The following PDE8A variants were observed in gnomAD, a reference collection of about 807,000 sequenced individuals.
PDE8A encodes phosphodiesterase 8A, also known as high affinity cAMP-specific and IBMX-insensitive 3',5'-cyclic phosphodiesterase 8A.
PDE8A carries 59 observed loss-of-function variants against 105.0 expected under a neutral mutation model. That is an observed-to-expected ratio of 0.56 (90% CI 0.46 to 0.70). The LOEUF is 0.70. PDE8A is among the 30% of genes least tolerant of loss of function. The pLI is 0.00. For missense variants in PDE8A, 1,014 were observed against 1,045.9 expected (o/e 0.97, Z 0.42); for synonymous variants, 355 against 371.9 (o/e 0.95, Z 0.52).
chr15:85,039,550 TA>T (rs929765854), intron 1 of PDE8A, among the ~76,000 whole-genome samples: 6 of 147,614 alleles, frequency 4.1e-5, no homozygotes, highest in Non-Finnish European at 9.0e-5. Context: ...TGGAGGTTCC[TA>T]AAAAAAAAAC....
At chr15:85,021,397 G>T (rs1210322032) in intron 1 of PDE8A, among the ~76,000 whole-genome samples, 2 of 152,012 alleles carry the variant, frequency 1.3e-5, no homozygotes, top group South Asian at 2.1e-4. Context: ...TAAAAATTTA[G>T]CTGGGCATGG....
intron 1 of PDE8A, among the ~76,000 whole-genome samples, chr15:85,060,584 A>G (rs1458022842): frequency 6.6e-6 from 1 of 152,212 alleles, no homozygotes; most frequent in Non-Finnish European, 1.5e-5. Context: ...GCATCCATAG[A>G]TTTTCATATA....
At chr15:85,089,737 G>A (rs547811516) in intron 7 of PDE8A, among the ~76,000 whole-genome samples, 10 of 152,294 alleles carry the variant, frequency 6.6e-5, no homozygotes, top group African/African-American at 2.4e-4. Flanking sequence ...GGGTAGTGCT[G>A]TTGTACGAAG....
At chr15:85,009,188 G>A (rs932407932) in intron 1 of PDE8A, among the ~76,000 whole-genome samples, 5 of 151,826 alleles carry the variant, frequency 3.3e-5, no homozygotes, top group African/African-American at 4.8e-5. Context: ...AAGGGTATAA[G>A]AGCTAGGTAA....
intron 1 of PDE8A, among the ~76,000 whole-genome samples, chr15:85,001,365 A>G (rs1207319052): frequency 6.6e-6 from 1 of 152,156 alleles, no homozygotes; most frequent in Admixed American, 6.6e-5. Flanking sequence ...GCAATATTCC[A>G]TTACAAAAAC....
chr15:85,133,408 G>A (rs1054788416), intron 20 of PDE8A, among the ~76,000 whole-genome samples: 2 of 152,174 alleles, frequency 1.3e-5, no homozygotes, highest in East Asian at 3.8e-4. Flanking sequence ...GGTCTGCTCT[G>A]CTCCCTCCGG....
chr15:85,098,169 G>A lies in PDE8A; in HGVS notation c.941+133G>A, dbSNP rs116817201. On this transcript the variant is annotated intron_variant, in intron 9 of 21. Coordinates refer to ENST00000394553, the MANE Select transcript of PDE8A (RefSeq NM_002605.3). ...GGTGTCATCACAGAATGGCCTTCCA[G>A]CATAGTGTTTTCTTGGTGACTTCCT... 88 of 662,220 alleles carry A rather than the reference G, an allele frequency of 1.3e-4. 1 individual carries two copies. Among genetic ancestry groups the A allele is most frequent in the African/African-American group, 1.1e-3 (59 of 54,702 alleles). The allele number at this position is 662,220 out of a possible 1,614,324, so 41.0% of individuals were successfully genotyped here.
intron 11 of PDE8A, among the ~76,000 whole-genome samples, chr15:85,104,020 A>G (rs2081908256): frequency 6.6e-6 from 1 of 152,208 alleles, no homozygotes; most frequent in South Asian, 2.1e-4. Context: ...TGGGCATCCA[A>G]AAGAGTAATA....
At chr15:85,021,869 G>C (rs915026294) in intron 1 of PDE8A, among the ~76,000 whole-genome samples, 14 of 152,194 alleles carry the variant, frequency 9.2e-5, no homozygotes, top group African/African-American at 3.4e-4. Flanking sequence ...ACAAAAGGGA[G>C]GTTGCGTGTC....
chr15:85,105,090 C>T (rs1002951875), intron 11 of PDE8A, among the ~76,000 whole-genome samples: 20 of 151,992 alleles, frequency 1.3e-4, no homozygotes, highest in African/African-American at 4.6e-4. Context: ...CATGCCTTGC[C>T]AGTAATGTGA....
At chr15:85,035,312 G>A (rs917335413) in intron 1 of PDE8A, among the ~76,000 whole-genome samples, 1 of 138,306 alleles carries the variant, frequency 7.2e-6, no homozygotes, top group African/African-American at 2.7e-5. Flanking sequence ...AGGTTCAACC[G>A]ATTCTCCTGC....
chr15:85,005,166 C>CCCAG (rs2080126072), intron 1 of PDE8A, among the ~76,000 whole-genome samples: 1 of 152,044 alleles, frequency 6.6e-6, no homozygotes, highest in African/African-American at 2.4e-5. Flanking sequence ...TGCTGTGTCA[C>CCCAG]CCAGACTGGA....
At chr15:85,078,275 T>G (rs2081409146) in intron 5 of PDE8A, among the ~76,000 whole-genome samples, 1 of 151,562 alleles carries the variant, frequency 6.6e-6, no homozygotes, top group African/African-American at 2.4e-5. Flanking sequence ...GGAATAACAT[T>G]TTCAATGCAA....
At chr15:85,100,555 C>T (rs1453202850) in intron 11 of PDE8A, among the ~76,000 whole-genome samples, 1 of 150,436 alleles carries the variant, frequency 6.6e-6, no homozygotes, top group Non-Finnish European at 1.5e-5. Flanking sequence ...TGTCCTGACA[C>T]TTACCACTGC....
Position 85,138,581 on chromosome 15 carries a change from A to AAATT in PDE8A, c.*682_*685dup, listed in dbSNP as rs2141669674. On this transcript the variant is annotated 3_prime_UTR_variant, in exon 22 of 22. Coordinates refer to ENST00000394553, the MANE Select transcript of PDE8A (RefSeq NM_002605.3). Reference sequence around the variant, plus strand: ...GTATACAGACTTATTTTCATAATGCAAATTAATAAAATGACACTTTTACTG... The same window carrying AAATT: ...GTATACAGACTTATTTTCATAATGCAAATTAATTAATAAAATGACACTTTTACTG... 1 of 152,782 alleles carries AAATT rather than the reference A, an allele frequency of 6.5e-6. No individual in the cohort carries two copies. Among genetic ancestry groups the AAATT allele is most frequent in the African/African-American group, 2.4e-5 (1 of 41,576 alleles). The allele number at this position is 152,782 out of a possible 1,614,324, so 9.5% of individuals were successfully genotyped here.
intron 1 of PDE8A, among the ~76,000 whole-genome samples, chr15:85,060,812 C>T (rs1167199724): frequency 6.6e-6 from 1 of 152,078 alleles, no homozygotes. Context: ...AGGAAACAAA[C>T]AAAAGGAGTT....
chr15:84,990,212 A>G (rs994425683), intron 1 of PDE8A, among the ~76,000 whole-genome samples: 5 of 152,244 alleles, frequency 3.3e-5, no homozygotes, highest in Non-Finnish European at 7.3e-5. Flanking sequence ...AAATTAAATA[A>G]ATTCAAAGTT....
intron 5 of PDE8A, among the ~76,000 whole-genome samples, chr15:85,079,265 C>T (rs755719941): frequency 9.2e-5 from 14 of 152,120 alleles, no homozygotes; most frequent in Non-Finnish European, 1.5e-4. Flanking sequence ...TCTTAGTCAA[C>T]GCTAGGTGTT....
chr15:85,034,443 C>A (rs181467827), intron 1 of PDE8A, among the ~76,000 whole-genome samples: 3 of 152,060 alleles, frequency 2.0e-5, no homozygotes, highest in Admixed American at 6.5e-5. Flanking sequence ...TACAGTAGAA[C>A]AGAATGTAAA....
Sources: gnomAD v4.1 joint callset for allele counts (sites outside exome capture counted in the v4.1 genomes callset) on GRCh38, gnomAD v4.1.1 for gene constraint, MANE v1.5 for transcripts, NCBI Gene and HGNC (gene_info 2026-07-23, HGNC 2026-07-21) for gene names.